Variants in SLC3A1 observed in about 807,000 individuals in gnomAD.
The protein encoded by SLC3A1 is amino acid transporter heavy chain SLC3A1.
Under a neutral mutation model 60.3 loss-of-function variants are expected in SLC3A1, and 78 were observed. The ratio of observed to expected loss-of-function variants is 1.29; its 90% confidence interval spans 1.08 to 1.56. The LOEUF is 1.56. Ranked by LOEUF, SLC3A1 falls within the 40% of genes most tolerant of loss-of-function variation. SLC3A1 has a pLI of 0.00. For missense variants in SLC3A1, 1,172 were observed against 858.9 expected (o/e 1.36, Z -4.56); for synonymous variants, 392 against 307.9 (o/e 1.27, Z -2.86).
chr2:44,281,509 G>C lies in SLC3A1; in HGVS notation c.733G>C (p.Glu245Gln), dbSNP rs761611302. The part of the protein sequence containing the change: ...DYYIWHDCTH[E>Q]NGKTIPPNNW... The stretch of plus-strand genomic sequence containing the variant: ...TTATATCTGGCATGACTGTACCCAT[G>C]AAAATGGCAAAACCATTCCACCCAA... The change falls in exon 3 of 10, where the codon GAA becomes CAA. Residue 245 changes from glutamate (E) to glutamine (Q), a missense_variant. Transcript: ENST00000260649. The C allele has an allele frequency of 2.5e-6, 4 of 1,614,004 alleles. No homozygotes were observed. In the Admixed American group the frequency reaches 6.7e-5, roughly 27 times the overall value.
At chr2:44,291,824 G>A (rs372965984) in intron 4 of SLC3A1, among the ~76,000 whole-genome samples, 3 of 152,084 alleles carry the variant, frequency 2.0e-5, no homozygotes, top group Middle Eastern at 3.2e-3. Context: ...TCTGCACAGT[G>A]GGAAGCTGGC....
chr2:44,313,914 T>C lies in SLC3A1; in HGVS notation c.1580T>C (p.Leu527Ser). The C allele has an allele frequency of 6.2e-7, 1 of 1,614,108 alleles. No homozygotes were observed. The highest frequency in any genetic ancestry group is 1.6e-4 in the Middle Eastern group (1 of 6,062). Reference protein sequence around the residue: ...AGFSEASNTWLPTNSDYHTVN... With the variant: ...AGFSEASNTWSPTNSDYHTVN... The stretch of plus-strand genomic sequence containing the variant: ...TTTTCTGAAGCTAGTAACACCTGGT[T>C]ACCTACCAATTCAGATTACCACACT... Residue 527 changes from leucine (L) to serine (S), a missense_variant, in exon 9 of 10, where the codon TTA becomes TCA. Transcript: ENST00000260649.
chr2:44,300,658 T>A (rs1014325819), intron 5 of SLC3A1, among the ~76,000 whole-genome samples: 1 of 152,202 alleles, frequency 6.6e-6, no homozygotes, highest in Non-Finnish European at 1.5e-5. Flanking sequence ...AAAGTATACA[T>A]GTAATAATGA....
At chr2:44,308,411 A>G (rs540232664) in intron 7 of SLC3A1, among the ~76,000 whole-genome samples, 2 of 152,166 alleles carry the variant, frequency 1.3e-5, no homozygotes, top group Non-Finnish European at 1.5e-5. Context: ...GATTGCATTG[A>G]ATCTGTTTAT....
rs778680136 is a variant in SLC3A1, at chr2:44,285,981, G to C, written c.766-51G>C. 3 of 1,609,526 alleles carry C rather than the reference G, an allele frequency of 1.9e-6. No homozygotes were observed. The East Asian group carries it at 6.7e-5, about 36-fold the overall frequency. ...TCAGGGAGGGCAATGATCTTTATTT[G>C]TGGGCAATACCATTATAGGTCACTG... On this transcript the variant is annotated intron_variant, in intron 3 of 9. Transcript: ENST00000260649.
At chr2:44,303,793 G>T (rs1391404402) in intron 6 of SLC3A1, 2 of 432,478 alleles carry the variant, frequency 4.6e-6, no homozygotes, top group South Asian at 2.3e-5. Context: ...ATGTGTTCTC[G>T]TTATTCAACT....
rs1671963938 is a variant in SLC3A1 at position 44,300,070 on chromosome 2, G to A, written c.991G>A (p.Val331Ile). 3 of 1,613,900 alleles carry A rather than the reference G, an allele frequency of 1.9e-6. No homozygotes were observed. Among genetic ancestry groups the A allele is most frequent in the Non-Finnish European group, 2.5e-6 (3 of 1,179,910 alleles). Reference protein sequence around the residue: ...EAKHLRDEIQVNKTQIPDTVT... With the variant: ...EAKHLRDEIQINKTQIPDTVT... ...AAAGCACCTGAGAGATGAGATCCAAGTAAATAAGACCCAAATCCCGGTAAA... is the reference window on the plus strand; with the variant it reads ...AAAGCACCTGAGAGATGAGATCCAAATAAATAAGACCCAAATCCCGGTAAA... Residue 331 changes from valine (V) to isoleucine (I), a missense_variant, in exon 5 of 10, where the codon GTA becomes ATA. Transcript: ENST00000260649.
At chr2:44,303,488 C>T (rs1014975172) in intron 6 of SLC3A1, among the ~76,000 whole-genome samples, 17 of 151,896 alleles carry the variant, frequency 1.1e-4, no homozygotes, top group Admixed American at 4.6e-4. Context: ...CCACCTGCCT[C>T]GGCCTCCCAA....
chr2:44,318,073 ATACT>A (rs1258120476), intron 9 of SLC3A1: 1 of 442,504 alleles, frequency 2.3e-6, no homozygotes, highest in Admixed American at 2.5e-5. Flanking sequence ...GTGCACAATA[ATACT>A]TAAAGGATCT....
intron 2 of SLC3A1, 49 bp from the exon 3 acceptor site, chr2:44,281,338 A>G: frequency 6.6e-7 from 1 of 1,519,136 alleles, no homozygotes; most frequent in Non-Finnish European, 9.1e-7. Flanking sequence ...GTCATATGTT[A>G]TTCTAATACA....
In SLC3A1 at chr2:44,301,383, G is replaced by T. The variant is rs971904941; in HGVS notation, c.1136+256G>T. 5.0e-6 allele frequency: 3 copies of T among 604,540 alleles called. No individual in the cohort carries two copies. In the African/African-American group the frequency reaches 5.6e-5, roughly 11 times the overall value. 37.4% of individuals were successfully genotyped at this position (604,540 alleles called of 1,614,324 possible). A position where few individuals can be genotyped will look rare whatever the true frequency, so the allele number is the denominator to read the frequency against. On this transcript the variant is annotated intron_variant, in intron 6 of 9. Coordinates refer to ENST00000260649, the MANE Select transcript of SLC3A1 (RefSeq NM_000341.4). ...TTCACAGGAGTTTTGTGAAAATTAG[G>T]TTAATGAAAAAGAGATTATATTAGC...
chr2:44,313,721 C>T, intron 8 of SLC3A1, 114 bp from the exon 9 acceptor site: 3 of 920,854 alleles, frequency 3.3e-6, no homozygotes, highest in Non-Finnish European at 3.6e-6. Flanking sequence ...CTAATGAGTA[C>T]AAACACTAGC....
At chr2:44,317,312 A>T (rs1457796123) in intron 9 of SLC3A1, among the ~76,000 whole-genome samples, 3 of 152,122 alleles carry the variant, frequency 2.0e-5, no homozygotes, top group Non-Finnish European at 4.4e-5. Context: ...TAAGAAAAAA[A>T]TTAGCTGGGC....
At chr2:44,293,195 C>T (rs1034144143) in intron 4 of SLC3A1, among the ~76,000 whole-genome samples, 1 of 152,110 alleles carries the variant, frequency 6.6e-6, no homozygotes, top group Non-Finnish European at 1.5e-5. Flanking sequence ...CTGCCTGTGA[C>T]ACATCCAAGT....
At chr2:44,306,712 C>A (rs1425404699) in intron 7 of SLC3A1, among the ~76,000 whole-genome samples, 11 of 151,718 alleles carry the variant, frequency 7.3e-5, no homozygotes, top group African/African-American at 2.4e-4. Context: ...CACCACCACA[C>A]CCAGCTAATT....
chr2:44,292,211 G>C (rs1671755220), intron 4 of SLC3A1, among the ~76,000 whole-genome samples: 1 of 152,100 alleles, frequency 6.6e-6, no homozygotes. Context: ...CCCCAGGGTA[G>C]GGACTGCTGG....
At chr2:44,317,459 C>A (rs1160902486) in intron 9 of SLC3A1, among the ~76,000 whole-genome samples, 114 of 141,550 alleles carry the variant, frequency 8.1e-4, no homozygotes, top group African/African-American at 9.7e-4. Context: ...GAGATTGTGT[C>A]AAAAAAAAAA....
chr2:44,321,946 T>C, downstream of SLC3A1: 2 of 1,567,180 alleles, frequency 1.3e-6, no homozygotes, highest in Non-Finnish European at 1.7e-6. Context: ...GTATGGGATC[T>C]TCTTTGGAAG....
At chr2:44,304,730 G>C (rs1189168926) in intron 7 of SLC3A1, among the ~76,000 whole-genome samples, 1 of 151,764 alleles carries the variant, frequency 6.6e-6, no homozygotes, top group Non-Finnish European at 1.5e-5. Flanking sequence ...TTGTGGGGCA[G>C]GATGCACTGC....
Sources: allele counts gnomAD v4.1 joint callset (sites outside exome capture counted in the v4.1 genomes callset), GRCh38; gene constraint gnomAD v4.1.1; transcripts MANE v1.5; gene names NCBI Gene and HGNC (gene_info 2026-07-23, HGNC 2026-07-21).